HS3ST4: variants seen among roughly 807,000 people sequenced by gnomAD.
The protein encoded by HS3ST4 is heparan sulfate-glucosamine 3-sulfotransferase 4.
A neutral mutation model predicts 29.2 loss-of-function variants in HS3ST4; 17 were observed. The ratio of observed to expected loss-of-function variants is 0.58; its 90% CI spans 0.40 to 0.87. HS3ST4 has a LOEUF of 0.87. Ranked by LOEUF, HS3ST4 falls within the 40% of genes least tolerant of loss-of-function variation. HS3ST4 has a pLI of 0.00. For missense variants in HS3ST4, 627 were observed against 634.5 expected, an observed-to-expected ratio of 0.99 and a Z score of 0.13; for synonymous variants, 314 against 285.7, an observed-to-expected ratio of 1.10 and a Z score of -1.00.
chr16:25,915,137 G>A (rs1395630347), intron 1 of HS3ST4, among the ~76,000 whole-genome samples: 2 of 152,094 alleles, frequency 1.3e-5, no homozygotes, highest in African/African-American at 4.8e-5. Flanking sequence ...TGGGGCACAG[G>A]ATTGCTGGCA....
At chr16:25,717,476 A>G (rs1453995911) in intron 1 of HS3ST4, among the ~76,000 whole-genome samples, 1 of 150,846 alleles carries the variant, frequency 6.6e-6, no homozygotes, top group Non-Finnish European at 1.5e-5. Context: ...GTGGCATTTG[A>G]GATGAGATCT....
chr16:26,085,712 AT>A (rs895486793), intron 1 of HS3ST4, among the ~76,000 whole-genome samples: 3 of 151,786 alleles, frequency 2.0e-5, no homozygotes, highest in Non-Finnish European at 4.4e-5. Flanking sequence ...CTCTACAAAA[AT>A]TTTTTTAAAA....
chr16:26,097,035 A>C (rs1366704592), intron 1 of HS3ST4, among the ~76,000 whole-genome samples: 1 of 152,216 alleles, frequency 6.6e-6, no homozygotes, highest in African/African-American at 2.4e-5. Flanking sequence ...AGGGATGTGA[A>C]GGACCTCTTC....
intron 1 of HS3ST4, among the ~76,000 whole-genome samples, chr16:25,900,671 G>A (rs1968112562): frequency 6.6e-6 from 1 of 152,048 alleles, no homozygotes; most frequent in Admixed American, 6.6e-5. Context: ...ACTTGATAAA[G>A]AAGCAGAGAG....
At chr16:25,800,036 T>TCCTTCCTTCCTTCCTTCTTGCCTTCCTG (rs1298579641) in intron 1 of HS3ST4, among the ~76,000 whole-genome samples, 2 of 41,422 alleles carry the variant, frequency 4.8e-5, no homozygotes, top group African/African-American at 7.7e-5. Context: ...TCCCTCTCCT[T>TCCTTCCTTCCTTCCTTCTTGCCTTCCTG]CCTTCCTTCC....
intron 1 of HS3ST4, among the ~76,000 whole-genome samples, chr16:25,992,645 G>A (rs748018901): frequency 8.5e-5 from 13 of 152,216 alleles, no homozygotes; most frequent in East Asian, 1.9e-4. Flanking sequence ...AGGGCTGTCC[G>A]GGTCTTCTGA....
chr16:26,000,566 T>C (rs1326420769), intron 1 of HS3ST4, among the ~76,000 whole-genome samples: 1 of 152,110 alleles, frequency 6.6e-6, no homozygotes, highest in Non-Finnish European at 1.5e-5. Flanking sequence ...TGGGATCTGC[T>C]CCATGCAAGC....
In HS3ST4 at chr16:25,828,277, TTTCTTTCTTTCTTTCTTTCTTTCC is replaced by T. The variant is rs1967248390; in HGVS notation, c.734+135127_734+135150del. ...CTTTCTTTCTTTCTTTCTTTCTTTC[TTTCTTTCTTTCTTTCTTTCTTTCC>T]CTCTCTCTCTCTCTCTCTCTCTCTC... On this transcript the variant is annotated intron_variant, in intron 1 of 1. Coordinates refer to ENST00000331351, the MANE Select transcript of HS3ST4 (RefSeq NM_006040.3). Among the ~76,000 whole-genome samples, 11 of 94,302 alleles carry T rather than the reference TTTCTTTCTTTCTTTCTTTCTTTCC, an allele frequency of 1.2e-4. 1 individual carries two copies. The highest frequency in any genetic ancestry group is 4.3e-4 in the South Asian group (1 of 2,302). The allele number at this position is 94,302 out of a possible 152,430, so 61.9% of individuals were successfully genotyped here.
At position 25,828,276 on chromosome 16, in the gene HS3ST4, CTTT is replaced by C. The variant is rs1567249403; in HGVS notation, c.734+135126_734+135128del. Among the ~76,000 whole-genome samples the C allele has an allele frequency of 4.5e-5, 4 of 88,232 alleles. No individual in the cohort carries two copies. The East Asian group carries it at 7.8e-4, about 17-fold the overall frequency. The allele number at this position is 88,232 out of a possible 152,430, so 57.9% of individuals were successfully genotyped here. A position where few individuals can be genotyped will look rare whatever the true frequency, so the allele number is the denominator to read the frequency against. ...TCTTTCTTTCTTTCTTTCTTTCTTT[CTTT>C]CTTTCTTTCTTTCTTTCTTTCCCTC... On this transcript the variant is annotated intron_variant, in intron 1 of 1. Transcript: ENST00000331351.
chr16:25,856,347 C>T (rs921880851), intron 1 of HS3ST4, among the ~76,000 whole-genome samples: 1 of 152,084 alleles, frequency 6.6e-6, no homozygotes, highest in Non-Finnish European at 1.5e-5. Flanking sequence ...TCCCCACCCT[C>T]CAACCTTCAG....
chr16:26,038,841 G>A (rs561445053), intron 1 of HS3ST4, among the ~76,000 whole-genome samples: 222 of 151,938 alleles, frequency 1.5e-3, no homozygotes, highest in Middle Eastern at 3.4e-3. Context: ...CTGCCACCAC[G>A]CCCGGCTAAT....
chr16:26,033,755 G>A (rs1353109299), intron 1 of HS3ST4, among the ~76,000 whole-genome samples: 1 of 151,842 alleles, frequency 6.6e-6, no homozygotes, highest in African/African-American at 2.4e-5. Context: ...AAGAAGGGAA[G>A]GAAGGAAGCA....
At chr16:25,972,696 A>G (rs558167719) in intron 1 of HS3ST4, among the ~76,000 whole-genome samples, 3 of 152,230 alleles carry the variant, frequency 2.0e-5, no homozygotes, top group South Asian at 2.1e-4. Context: ...ATTTTTGCAT[A>G]TTCTATTTAT....
At chr16:25,729,215 G>T (rs1054021211) in intron 1 of HS3ST4, among the ~76,000 whole-genome samples, 2 of 152,222 alleles carry the variant, frequency 1.3e-5, no homozygotes, top group Admixed American at 6.5e-5. Flanking sequence ...GGGGAATAGT[G>T]AGAGTTTCTT....
intron 1 of HS3ST4, among the ~76,000 whole-genome samples, chr16:26,134,746 C>T (rs941167180): frequency 6.6e-6 from 1 of 152,170 alleles, no homozygotes; most frequent in Non-Finnish European, 1.5e-5. Context: ...TGTCCCTGGG[C>T]TTCGGTTTTC....
intron 1 of HS3ST4, among the ~76,000 whole-genome samples, chr16:26,001,445 T>C (rs1376036028): frequency 1.3e-5 from 2 of 152,214 alleles, no homozygotes; most frequent in African/African-American, 4.8e-5. Context: ...ATTATGTTTA[T>C]TCTTGCAACC....
chr16:25,991,849 G>A (rs6497908), intron 1 of HS3ST4, among the ~76,000 whole-genome samples: 27,790 of 152,054 alleles, frequency 0.18, 2,624 homozygotes, highest in South Asian at 0.22. Flanking sequence ...GTGAAACCCC[G>A]TCTCTACTAA....
chr16:25,704,415 G>A (rs1309783421), intron 1 of HS3ST4, among the ~76,000 whole-genome samples: 5 of 152,156 alleles, frequency 3.3e-5, no homozygotes, highest in Non-Finnish European at 7.4e-5. Flanking sequence ...GGAAGGGCAA[G>A]TGACATTCCT....
In HS3ST4 at chr16:25,990,800, A is replaced by C. The variant is rs150674261; in HGVS notation, c.735-144812A>C. Among the ~76,000 whole-genome samples the C allele has an allele frequency of 2.0e-3, 303 of 152,340 alleles. 1 individual carries two copies. The highest frequency in any genetic ancestry group is 7.1e-3 in the African/African-American group (297 of 41,570). ...ACTGTCTCATGTATAATCAATGGTCAATTTTAAAAAAATGATCTTCTGCCC... is the reference window on the plus strand; with the variant it reads ...ACTGTCTCATGTATAATCAATGGTCCATTTTAAAAAAATGATCTTCTGCCC... On this transcript the variant is annotated intron_variant, in intron 1 of 1. Transcript: ENST00000331351.
Sources: allele counts gnomAD v4.1 joint callset (sites outside exome capture counted in the v4.1 genomes callset), GRCh38; gene constraint gnomAD v4.1.1; transcripts MANE v1.5; gene names NCBI Gene and HGNC (gene_info 2026-07-23, HGNC 2026-07-21).